The following UBE2G1 variants were observed in gnomAD, a reference collection of about 807,000 sequenced individuals.
UBE2G1 encodes ubiquitin-conjugating enzyme E2 G1.
UBE2G1 carries 5 observed loss-of-function variants against 22.7 expected under a neutral mutation model. The observed-to-expected ratio is 0.22, with a 90% CI of 0.12 to 0.46. The LOEUF (loss-of-function observed/expected upper bound fraction) is 0.46. UBE2G1 is among the 20% of genes least tolerant of loss of function. The probability of loss-of-function intolerance (pLI) is 0.99; values close to 1 mark genes in which losing one functional copy is unlikely to be tolerated. For missense variants in UBE2G1, 88 were observed against 203.9 expected (o/e 0.43, Z 3.46); for synonymous variants, 74 against 67.5 (o/e 1.10, Z -0.47).
chr17:4,355,681 C>A (rs1271433986), intron 1 of UBE2G1, among the ~76,000 whole-genome samples: 6 of 149,156 alleles, frequency 4.0e-5, no homozygotes, highest in Non-Finnish European at 8.9e-5. Context: ...TTACTACTGG[C>A]TGCTCTGCCT....
intron 1 of UBE2G1, among the ~76,000 whole-genome samples, chr17:4,354,777 A>C (rs535056982): frequency 6.6e-6 from 1 of 151,872 alleles, no homozygotes; most frequent in Non-Finnish European, 1.5e-5. Context: ...CCAAAAAAAA[A>C]TTTTTTTTAA....
At chr17:4,318,454 C>T (rs1245552664) in intron 1 of UBE2G1, among the ~76,000 whole-genome samples, 1 of 152,058 alleles carries the variant, frequency 6.6e-6, no homozygotes, top group Non-Finnish European at 1.5e-5. Context: ...TGCCAATAGC[C>T]GCAATTCAAG....
At chr17:4,327,828 C>T (rs1055540080) in intron 1 of UBE2G1, among the ~76,000 whole-genome samples, 8 of 152,190 alleles carry the variant, frequency 5.3e-5, no homozygotes, top group African/African-American at 1.9e-4. Context: ...AATAACCTAT[C>T]ACGTACTTAG....
intron 1 of UBE2G1, among the ~76,000 whole-genome samples, chr17:4,315,260 T>C (rs1474302675): frequency 6.6e-6 from 1 of 152,160 alleles, no homozygotes; most frequent in Non-Finnish European, 1.5e-5. Flanking sequence ...TTATTGGGCA[T>C]TTAAAATTTT....
At chr17:4,329,398 CA>C (rs894092561) in intron 1 of UBE2G1, among the ~76,000 whole-genome samples, 4 of 144,292 alleles carry the variant, frequency 2.8e-5, no homozygotes, top group Non-Finnish European at 3.0e-5. Context: ...GATTCTGTCT[CA>C]AAAAAAAAAT....
Position 4,296,809 on chromosome 17 carries a change from C to T in UBE2G1, c.155G>A (p.Gly52Asp). The T allele has an allele frequency of 6.2e-7, 1 of 1,613,248 alleles. No individual in the cohort carries two copies. The highest frequency in any genetic ancestry group is 8.5e-7 in the Non-Finnish European group (1 of 1,179,624). Residue 52 changes from glycine (G) to aspartate (D), a missense_variant, in exon 3 of 6, where the codon GGT becomes GAT. Physicochemically the swap from Gly to Asp is moderately conservative, Grantham distance 94. Around this residue, in one of 2 missense-constraint regions of UBE2G1, gnomAD observed 50 missense variants for 71.0 expected, o/e 0.70. Coordinates refer to ENST00000396981, the MANE Select transcript of UBE2G1 (RefSeq NM_003342.5). ...IIGPPDTLYE[G>D]GVFKAHLTFP... ...AGTAAGATGAGCCTTAAAAACACCA[C>T]CTTCACTGGAAAAAAGAACAAAAAG...
intron 1 of UBE2G1, among the ~76,000 whole-genome samples, chr17:4,311,549 T>C (rs1160367352): frequency 6.6e-6 from 1 of 152,182 alleles, no homozygotes; most frequent in Admixed American, 6.5e-5. Context: ...AAGTCACATG[T>C]TATATGACTT....
rs1598185788 is a variant in UBE2G1, at chr17:4,300,544, A to C, written c.150-3730T>G. ...GGCCACAAAGCAAGACTCTGTCTCC[A>C]AAAATAATAATAATAAATAAATAAA... On this transcript the variant is annotated intron_variant, in intron 2 of 5. Coordinates refer to ENST00000396981, the MANE Select transcript of UBE2G1 (RefSeq NM_003342.5). Among the ~76,000 whole-genome samples, 3 of 152,246 alleles carry C rather than the reference A, an allele frequency of 2.0e-5. No homozygotes were observed. In the East Asian group the frequency reaches 5.8e-4, roughly 29 times the overall value.
chr17:4,297,207 C>T (rs908971387), intron 2 of UBE2G1, among the ~76,000 whole-genome samples: 29 of 152,346 alleles, frequency 1.9e-4, no homozygotes, highest in African/African-American at 7.0e-4. Flanking sequence ...TCCTCAAACA[C>T]ATCAAACCCT....
chr17:4,283,199 T>C (rs1043132609), intron 4 of UBE2G1, among the ~76,000 whole-genome samples: 2 of 152,144 alleles, frequency 1.3e-5, no homozygotes, highest in African/African-American at 2.4e-5. Flanking sequence ...TACACTGAAA[T>C]AGAAAGCTAA....
chr17:4,336,813 GAAGT>G (rs1185059140), intron 1 of UBE2G1, among the ~76,000 whole-genome samples: 6 of 152,164 alleles, frequency 3.9e-5, no homozygotes, highest in Non-Finnish European at 7.3e-5. Context: ...CTTTTAGGCA[GAAGT>G]AAGAATATAA....
chr17:4,280,644 T>C (rs2143679910), intron 5 of UBE2G1, among the ~76,000 whole-genome samples: 1 of 147,422 alleles, frequency 6.8e-6, no homozygotes, highest in African/African-American at 2.5e-5. Flanking sequence ...CTGGGAATCT[T>C]TTTTTTTTTT....
At chr17:4,301,659 C>G (rs1019220126) in intron 2 of UBE2G1, 1 of 788,144 alleles carries the variant, frequency 1.3e-6, no homozygotes, top group Non-Finnish European at 2.3e-6. Flanking sequence ...TTGCACTGGA[C>G]AGGTTGTTTT....
chr17:4,319,410 T>TA (rs1969411259), intron 1 of UBE2G1, among the ~76,000 whole-genome samples: 1 of 152,056 alleles, frequency 6.6e-6, no homozygotes, highest in Non-Finnish European at 1.5e-5. Flanking sequence ...CGTGAAGAAA[T>TA]ACGGAATCCT....
At chr17:4,347,241 T>C (rs768163422) in intron 1 of UBE2G1, among the ~76,000 whole-genome samples, 1 of 152,174 alleles carries the variant, frequency 6.6e-6, no homozygotes, top group African/African-American at 2.4e-5. Context: ...GATTTTGGAA[T>C]ATTTGCATAC....
At chr17:4,347,469 CTTTTTTTTTTTTT>C (rs34014821) in intron 1 of UBE2G1, among the ~76,000 whole-genome samples, 1 of 89,556 alleles carries the variant, frequency 1.1e-5, no homozygotes, top group Admixed American at 1.5e-4. Context: ...AGTATTTCTT[CTTTTTTTTTTTTT>C]TTTTTTTTTG....
chr17:4,346,148 C>T (rs554336358), intron 1 of UBE2G1, among the ~76,000 whole-genome samples: 9 of 152,234 alleles, frequency 5.9e-5, no homozygotes, highest in Admixed American at 1.3e-4. Flanking sequence ...CCAATTTTAA[C>T]TCATACTTTC....
At chr17:4,337,336 AAAG>A (rs1567526667) in intron 1 of UBE2G1, among the ~76,000 whole-genome samples, 5 of 150,614 alleles carry the variant, frequency 3.3e-5, no homozygotes, top group African/African-American at 1.2e-4. Flanking sequence ...AAAAAAAAGA[AAAG>A]AAAAGAAAGA....
chr17:4,277,232 C>A (rs1429062145), intron 5 of UBE2G1, among the ~76,000 whole-genome samples: 1 of 152,198 alleles, frequency 6.6e-6, no homozygotes, highest in Non-Finnish European at 1.5e-5. Flanking sequence ...ACCAGATGCA[C>A]CCCAGTTGAG....
Sources: allele counts gnomAD v4.1 joint callset (sites outside exome capture counted in the v4.1 genomes callset), GRCh38; gene constraint gnomAD v4.1.1; regional missense constraint gnomAD v4.1.1; transcripts MANE v1.5; gene names NCBI Gene and HGNC (gene_info 2026-07-23, HGNC 2026-07-21).